Variants in RTN4RL1 observed in about 807,000 individuals in gnomAD.
RTN4RL1 encodes the protein reticulon-4 receptor-like 1.
In RTN4RL1, 7 loss-of-function variants were observed where a neutral mutation model predicts 25.6. That is an observed-to-expected ratio of 0.27 (90% CI 0.16 to 0.51). The LOEUF (loss-of-function observed/expected upper bound fraction) is 0.51. Ranked by LOEUF, RTN4RL1 falls within the 20% of genes least tolerant of loss-of-function variation. The pLI, the probability that RTN4RL1 is intolerant of heterozygous loss-of-function variation, is 0.97. For missense variants in RTN4RL1, 500 were observed against 615.6 expected (o/e 0.81, Z 1.99); for synonymous variants, 297 against 288.2 (o/e 1.03, Z -0.31).
intron 1 of RTN4RL1, among the ~76,000 whole-genome samples, chr17:1,985,902 G>A (rs1166587033): frequency 6.6e-6 from 1 of 152,072 alleles, no homozygotes; most frequent in East Asian, 1.9e-4. Flanking sequence ...CAGGGTGAGA[G>A]GTTGATTGGC....
chr17:1,952,570 C>G (rs1001911732), intron 1 of RTN4RL1, among the ~76,000 whole-genome samples: 3 of 150,808 alleles, frequency 2.0e-5, no homozygotes, highest in Non-Finnish European at 3.0e-5. Context: ...GTCTTGAACT[C>G]CTGACCTCGT....
chr17:2,016,568 G>T (rs1178657126), intron 1 of RTN4RL1, among the ~76,000 whole-genome samples: 1 of 152,204 alleles, frequency 6.6e-6, no homozygotes, highest in African/African-American at 2.4e-5. Context: ...ACAGTTCCTG[G>T]AAAGGAAAGG....
intron 1 of RTN4RL1, among the ~76,000 whole-genome samples, chr17:1,982,881 CTG>C (rs1407640926): frequency 6.6e-6 from 1 of 152,168 alleles, no homozygotes; most frequent in African/African-American, 2.4e-5. Flanking sequence ...CTGACAGTCA[CTG>C]TGTGCCACAG....
At chr17:1,956,986 C>T (rs1372573571) in intron 1 of RTN4RL1, among the ~76,000 whole-genome samples, 1 of 152,198 alleles carries the variant, frequency 6.6e-6, no homozygotes, top group Non-Finnish European at 1.5e-5. Flanking sequence ...GTGATCCACC[C>T]GCCTTGGCCT....
intron 1 of RTN4RL1, among the ~76,000 whole-genome samples, chr17:1,967,764 C>T (rs2066798730): frequency 6.6e-6 from 1 of 152,114 alleles, no homozygotes; most frequent in Non-Finnish European, 1.5e-5. Context: ...CTCAGCTTCC[C>T]AAGTAGCCGG....
intron 1 of RTN4RL1, among the ~76,000 whole-genome samples, chr17:1,964,318 C>G (rs1464066599): frequency 6.6e-6 from 1 of 152,174 alleles, no homozygotes; most frequent in Non-Finnish European, 1.5e-5. Flanking sequence ...CCCAGTGTGG[C>G]TCCTCACGCC....
rs1306758344 is a variant in RTN4RL1, at chr17:1,935,417, A to G, written c.*1079T>C. 5.0e-6 allele frequency: 2 copies of G among 402,986 alleles called. No individual in the cohort carries two copies. Among genetic ancestry groups the G allele is most frequent in the African/African-American group, 2.2e-5 (1 of 45,986 alleles). 25.0% of individuals were successfully genotyped at this position (402,986 alleles called of 1,614,324 possible). A position where few individuals can be genotyped will look rare whatever the true frequency, so the allele number is the denominator to read the frequency against. On this transcript the variant is annotated 3_prime_UTR_variant, in exon 2 of 2. Transcript: ENST00000331238. ...TGGCAGACAGGCTTGTGTTGCATATAAAAACAAGGTGATGCTCTAAATATC... is the reference window on the plus strand; with the variant it reads ...TGGCAGACAGGCTTGTGTTGCATATGAAAACAAGGTGATGCTCTAAATATC...
At chr17:2,013,347 C>T (rs1267192769) in intron 1 of RTN4RL1, among the ~76,000 whole-genome samples, 1 of 152,188 alleles carries the variant, frequency 6.6e-6, no homozygotes, top group Non-Finnish European at 1.5e-5. Context: ...GCAGATACTG[C>T]GAGGGCCTGC....
intron 1 of RTN4RL1, among the ~76,000 whole-genome samples, chr17:2,008,677 C>A (rs2067019703): frequency 6.6e-6 from 1 of 152,178 alleles, no homozygotes; most frequent in South Asian, 2.1e-4. Context: ...TCCCACCAAT[C>A]CGCCCTACCA....
At chr17:2,014,103 T>C (rs2067087669) in intron 1 of RTN4RL1, among the ~76,000 whole-genome samples, 2 of 152,214 alleles carry the variant, frequency 1.3e-5, no homozygotes, top group African/African-American at 4.8e-5. Context: ...TGGGAAAATC[T>C]TTCAGTAACC....
chr17:2,012,262 A>C (rs1033946553), intron 1 of RTN4RL1, among the ~76,000 whole-genome samples: 1 of 152,194 alleles, frequency 6.6e-6, no homozygotes, highest in African/African-American at 2.4e-5. Context: ...TTTTCCTAAC[A>C]CAGCGCCTGC....
chr17:1,947,171 C>CGTCTCTGTGTGACTGTGTGT (rs1461874021), intron 1 of RTN4RL1, among the ~76,000 whole-genome samples: 1 of 149,472 alleles, frequency 6.7e-6, no homozygotes, highest in East Asian at 2.0e-4. Context: ...GGTCTGTGTG[C>CGTCTCTGTGTGACTGTGTGT]GTCTCTGTGT....
At chr17:1,979,573 A>G (rs2066858276) in intron 1 of RTN4RL1, among the ~76,000 whole-genome samples, 1 of 152,128 alleles carries the variant, frequency 6.6e-6, no homozygotes, top group African/African-American at 2.4e-5. Flanking sequence ...CTAACTGCCC[A>G]ACTGACTCAC....
intron 1 of RTN4RL1, among the ~76,000 whole-genome samples, chr17:1,953,345 G>T (rs1041310819): frequency 6.6e-6 from 1 of 152,044 alleles, no homozygotes; most frequent in African/African-American, 2.4e-5. Flanking sequence ...GCTTAAGGCT[G>T]CAGTGAGCCA....
intron 1 of RTN4RL1, among the ~76,000 whole-genome samples, chr17:2,021,421 T>A (rs941824175): frequency 1.3e-5 from 2 of 152,128 alleles, no homozygotes; most frequent in African/African-American, 4.8e-5. Context: ...GGGCTACCCT[T>A]TCTTCATCTT....
intron 1 of RTN4RL1, among the ~76,000 whole-genome samples, chr17:2,016,001 C>T (rs917669478): frequency 2.0e-5 from 3 of 152,164 alleles, no homozygotes; most frequent in Non-Finnish European, 4.4e-5. Context: ...GGGAGGAAGC[C>T]CTTCCCCCTG....
chr17:2,005,786 T>C (rs1567523335), intron 1 of RTN4RL1, among the ~76,000 whole-genome samples: 1 of 122,128 alleles, frequency 8.2e-6, no homozygotes, highest in Non-Finnish European at 2.0e-5. Flanking sequence ...TTTTTTCTTT[T>C]ATTTTTCTTT....
At position 1,937,573 on chromosome 17, in the gene RTN4RL1, G is replaced by C. The variant is rs938966669; in HGVS notation, c.249C>G (p.Ile83Met). ...HFSPAMVTLWIYSNNITYIHP... is the reference protein window; with the variant it reads ...HFSPAMVTLWMYSNNITYIHP... ...GGATGTAGGTGATGTTGTTCGAGTA[G>C]ATCCACAGGGTGACCATGGCGGGGC... The change falls in exon 2 of 2, where the codon ATC becomes ATG. Residue 83 changes from isoleucine (I) to methionine (M), a missense_variant. Ile to Met is a conservative substitution (Grantham distance 10, BLOSUM62 1). Around this residue, in one of 2 missense-constraint regions of RTN4RL1, gnomAD observed 232 missense variants for 341.1 expected, o/e 0.68. Transcript: ENST00000331238. The C allele has an allele frequency of 2.5e-6, 4 of 1,613,918 alleles. No homozygotes were observed. In the African/African-American group the frequency reaches 5.3e-5, roughly 22 times the overall value.
chr17:1,942,715 T>A (rs1039988789), intron 1 of RTN4RL1, among the ~76,000 whole-genome samples: 1 of 151,932 alleles, frequency 6.6e-6, no homozygotes, highest in South Asian at 2.1e-4. Flanking sequence ...TCAGGGAGCA[T>A]GGGGGCAGCT....
Sources: allele counts gnomAD v4.1 joint callset (sites outside exome capture counted in the v4.1 genomes callset), GRCh38; gene constraint gnomAD v4.1.1; regional missense constraint gnomAD v4.1.1; transcripts MANE v1.5; gene names NCBI Gene and HGNC (gene_info 2026-07-23, HGNC 2026-07-21).